The following HOOK2 variants were observed in gnomAD, a reference collection of about 807,000 sequenced individuals.
HOOK2 encodes the protein hook microtubule tethering protein 2, also known as protein Hook homolog 2.
HOOK2 carries 108 observed loss-of-function variants against 111.9 expected under a neutral mutation model. The ratio of observed to expected loss-of-function variants is 0.96; its 90% CI spans 0.83 to 1.13. The LOEUF is 1.13. Ranked by LOEUF, HOOK2 falls within the 50% of genes most tolerant of loss-of-function variation. The probability of loss-of-function intolerance (pLI) is 0.00; values close to 1 mark genes in which losing one functional copy is unlikely to be tolerated. For synonymous variants in HOOK2, 405 were observed against 394.3 expected, an observed-to-expected ratio of 1.03 and a Z score of -0.32; for missense variants, 978 against 951.3, an observed-to-expected ratio of 1.03 and a Z score of -0.37.
At chr19:12,792,009 C>A in intron 3 of HOOK2, 3 of 1,611,790 alleles carry the variant, frequency 1.9e-6, no homozygotes, top group Non-Finnish European at 1.7e-6. Flanking sequence ...CGGCGCGTCT[C>A]TCAAGCTCGC....
At chr19:12,767,980 G>A (rs763678698) in intron 12 of HOOK2, 33 bp downstream of exon 12, 3 of 1,611,014 alleles carry the variant, frequency 1.9e-6, no homozygotes, top group Non-Finnish European at 1.7e-6. Flanking sequence ...GAATTGGCAG[G>A]GTGGGGCTTG....
chr19:12,792,193 A>G, intron 3 of HOOK2: 1 of 1,579,046 alleles, frequency 6.3e-7, no homozygotes, highest in South Asian at 1.1e-5. Context: ...GGCTTTGTCA[A>G]AGCCCTGGAC....
At chr19:12,764,106 C>T (rs1968078191) in intron 20 of HOOK2, among the ~76,000 whole-genome samples, 1 of 152,118 alleles carries the variant, frequency 6.6e-6, no homozygotes, top group South Asian at 2.1e-4. Context: ...CTTTTGCCTC[C>T]CGGGTTCAAG....
intron 11 of HOOK2, among the ~76,000 whole-genome samples, chr19:12,768,413 T>C (rs1968220202): frequency 6.6e-6 from 1 of 152,100 alleles, no homozygotes; most frequent in African/African-American, 2.4e-5. Context: ...ATGTTAATAG[T>C]AGGAACCCAT....
rs1182191044 is a variant in HOOK2, at chr19:12,786,630, C to T, written n.42-12405G>A. 1.3e-5 allele frequency among the ~76,000 whole-genome samples: 2 copies of T among 152,270 alleles called. No individual in the cohort carries two copies. Among genetic ancestry groups the T allele is most frequent in the East Asian group, 1.9e-4 (1 of 5,176 alleles). Reference sequence around the variant, plus strand: ...TGTTCTCCCACCCTCCTCGTGGGGCCGGCCTGGCGCCAGTGGGGCGGCTTG... The same window carrying T: ...TGTTCTCCCACCCTCCTCGTGGGGCTGGCCTGGCGCCAGTGGGGCGGCTTG... On this transcript the variant is annotated intron_variant and non_coding_transcript_variant, in intron 3 of 3. Coordinates refer to the HOOK2 transcript ENST00000589765. The surrounding 1 kb of genome is among the most constrained non-coding windows in gnomAD (Gnocchi z 4.3).
Position 12,764,852 on chromosome 19 carries a change from C to A in HOOK2, c.1789G>T (p.Glu597Ter). 1 of 1,614,048 alleles carries A rather than the reference C, an allele frequency of 6.2e-7. No individual in the cohort carries two copies. The highest frequency in any genetic ancestry group is 8.5e-7 in the Non-Finnish European group (1 of 1,180,038). The change falls in exon 20 of 23, where the codon GAG becomes TAG. Residue 597 changes from glutamate (E) to a stop codon, truncating the protein, a stop_gained. Transcript: ENST00000397668. LOFTEE classifies it high-confidence loss of function. Reference sequence around the variant, plus strand: ...TCCACGTAGCGGCGGTATCGCTCCTCCATGGCCCGCAAGTCCGCGTCCTTC... The same window carrying A: ...TCCACGTAGCGGCGGTATCGCTCCTACATGGCCCGCAAGTCCGCGTCCTTC... ...QKKDADLRAM[E>*]ERYRRYVDKA...
upstream of HOOK2, among the ~76,000 whole-genome samples, chr19:12,781,318 A>T (rs1200274234): frequency 1.3e-5 from 2 of 151,038 alleles, no homozygotes; most frequent in African/African-American, 4.9e-5. Context: ...ATAAAATATA[A>T]AAAAAATAAA....
Position 12,771,241 on chromosome 19 carries a change from C to T in HOOK2, c.679G>A (p.Gly227Ser). ...GCAGTGAGACCTGGGGTACCCTCGC[C>T]TTCAGGCCGGCCCATCCGCTCCCGC... is the stretch of plus-strand genomic sequence containing the variant. ...GLRERMGRPE[G>S]EGTPGLTAKK... is the part of the protein sequence containing the mutation. The change falls in exon 9 of 23, where the codon GGC becomes AGC. Residue 227 changes from glycine to serine, a missense_variant. Physicochemically the swap from Gly to Ser is moderately conservative, Grantham distance 56 (BLOSUM62 0). Coordinates refer to ENST00000397668, the MANE Select transcript of HOOK2 (RefSeq NM_013312.3). 1.2e-6 allele frequency: 2 copies of T among 1,609,904 alleles called. No homozygotes were observed. Among genetic ancestry groups the T allele is most frequent in the Non-Finnish European group, 1.7e-6 (2 of 1,178,144 alleles).
At chr19:12,763,909 C>T (rs895242613) in intron 20 of HOOK2, 131 bp from the exon 21 acceptor site, 9 of 653,854 alleles carry the variant, frequency 1.4e-5, no homozygotes, top group Non-Finnish European at 2.1e-5. Context: ...CCAGGATGGT[C>T]TTGAACTCCT....
chr19:12,775,873 C>CTTTT (rs775787302), upstream of HOOK2, among the ~76,000 whole-genome samples: 43 of 103,824 alleles, frequency 4.1e-4, no homozygotes, highest in Admixed American at 6.3e-4. Flanking sequence ...TAAGTAAATT[C>CTTTT]TTTTTTTTTT....
At position 12,763,213 on chromosome 19, in the gene HOOK2, G is replaced by A; in HGVS notation, c.*69C>T. On this transcript the variant is annotated 3_prime_UTR_variant, in exon 23 of 23. Coordinates refer to ENST00000397668, the MANE Select transcript of HOOK2 (RefSeq NM_013312.3). ...CTCGAGCACCTGGCTGAAGCCCAGT[G>A]CTGGGCGCCATGTGAGCTGGAGGAA... 6.5e-7 allele frequency: 1 copy of A among 1,548,732 alleles called. No homozygotes were observed. Among genetic ancestry groups the A allele is most frequent in the East Asian group, 2.3e-5 (1 of 43,542 alleles).
chr19:12,773,488 C>A (rs1190070309), intron 3 of HOOK2, among the ~76,000 whole-genome samples: 1 of 151,956 alleles, frequency 6.6e-6, no homozygotes, highest in African/African-American at 2.4e-5. Flanking sequence ...CTCAAGCAAT[C>A]CTCCCACCTC....
At chr19:12,784,226 C>CG (rs1266133816) in intron 3 of HOOK2, among the ~76,000 whole-genome samples, 11 of 151,780 alleles carry the variant, frequency 7.2e-5, no homozygotes, top group African/African-American at 2.4e-4. Flanking sequence ...AGGGGGCGGG[C>CG]GGGGGGCTGT....
At chr19:12,792,217 T>G in intron 3 of HOOK2, 2 of 1,545,336 alleles carry the variant, frequency 1.3e-6, no homozygotes, top group Non-Finnish European at 1.8e-6. Context: ...CTGCACAAGA[T>G]GAACCACGTG....
At position 12,789,027 on chromosome 19, in the gene HOOK2, G is replaced by A. The variant is rs1381371827; in HGVS notation, n.42-14802C>T. On this transcript the variant is annotated intron_variant and non_coding_transcript_variant, in intron 3 of 3. Transcript: ENST00000589765. ...CCCCACATAGCTCAGTTTCTTTTTC[G>A]CCTCTTTCGTTTTCCTTCTCTTTCC... 4.6e-5 allele frequency among the ~76,000 whole-genome samples: 7 copies of A among 152,098 alleles called. No homozygotes were observed. The East Asian group carries it at 9.6e-4, about 21-fold the overall frequency.
chr19:12,789,491 C>A (rs1968684921), intron 3 of HOOK2, among the ~76,000 whole-genome samples: 2 of 152,170 alleles, frequency 1.3e-5, no homozygotes, highest in Admixed American at 1.3e-4. Flanking sequence ...ATGGGACCTG[C>A]AGACTAAAAC....
chr19:12,767,963 TA>T (rs750974056), intron 12 of HOOK2, 49 bp downstream of exon 12: 2 of 1,610,608 alleles, frequency 1.2e-6, no homozygotes, highest in Non-Finnish European at 1.7e-6. Context: ...GGAAATGGGC[TA>T]CCCCAGAATT....
chr19:12,783,766 A>G (rs1968629854), intron 3 of HOOK2, among the ~76,000 whole-genome samples: 1 of 152,186 alleles, frequency 6.6e-6, no homozygotes, highest in Non-Finnish European at 1.5e-5. Flanking sequence ...AGGGTTGAGC[A>G]CGGGAGCCAG....
At chr19:12,771,103 G>A (rs1181853503) in intron 9 of HOOK2, 31 bp from the exon 10 acceptor site, 1 of 1,611,244 alleles carries the variant, frequency 6.2e-7, no homozygotes, top group East Asian at 2.2e-5. Context: ...GCACATGAGG[G>A]GGCTGCCCTC....
Sources: gnomAD v4.1 joint callset for allele counts (sites outside exome capture counted in the v4.1 genomes callset) on GRCh38, gnomAD v4.1.1 for gene constraint, Gnocchi (gnomAD v3.1) non-coding constraint, MANE v1.5 for transcripts, NCBI Gene and HGNC (gene_info 2026-07-23, HGNC 2026-07-21) for gene names.